SLCO3A1: variants seen among roughly 807,000 people sequenced by gnomAD.
SLCO3A1 encodes the protein PGE1 transporter.
A neutral mutation model predicts 63.1 loss-of-function variants in SLCO3A1; 27 were observed. That is an observed-to-expected ratio of 0.43 (90% CI 0.32 to 0.59). The LOEUF is 0.59. Ranked by LOEUF, SLCO3A1 falls within the 20% of genes least tolerant of loss-of-function variation. The pLI, the probability that SLCO3A1 is intolerant of heterozygous loss-of-function variation, is 0.09. For missense variants in SLCO3A1, 773 were observed against 945.8 expected (o/e 0.82, Z 2.40); for synonymous variants, 473 against 409.9 (o/e 1.15, Z -1.86).
chr15:92,025,426 G>A (rs564368557), intron 2 of SLCO3A1, among the ~76,000 whole-genome samples: 4 of 152,308 alleles, frequency 2.6e-5, no homozygotes, highest in South Asian at 2.1e-4. Flanking sequence ...CAGCAACAGC[G>A]ATGACACTAA....
chr15:92,032,699 C>T (rs1364774344), intron 2 of SLCO3A1, among the ~76,000 whole-genome samples: 4 of 152,018 alleles, frequency 2.6e-5, no homozygotes, highest in African/African-American at 9.7e-5. Flanking sequence ...TGCAGAGGCC[C>T]CCATCGAAGG....
intron 1 of SLCO3A1, among the ~76,000 whole-genome samples, chr15:91,887,035 T>G (rs1897741333): frequency 6.6e-6 from 1 of 152,156 alleles, no homozygotes; most frequent in African/African-American, 2.4e-5. Context: ...GGGAAATCCT[T>G]AGTGGCTTTT....
exon 11 of SLCO3A1, chr15:92,171,783 C>G: frequency 6.4e-7 from 1 of 1,550,396 alleles, no homozygotes; most frequent in Non-Finnish European, 8.7e-7. Flanking sequence ...CCTTTAGGCA[C>G]AGAGTACCAA....
intron 1 of SLCO3A1, among the ~76,000 whole-genome samples, chr15:91,855,763 T>C (rs1325013039): frequency 2.0e-5 from 3 of 152,160 alleles, no homozygotes; most frequent in Non-Finnish European, 4.4e-5. Context: ...TGTGGGTCTG[T>C]ACTGTGACAT....
chr15:92,073,046 T>A (rs1291434933), intron 2 of SLCO3A1, among the ~76,000 whole-genome samples: 1 of 152,082 alleles, frequency 6.6e-6, no homozygotes, highest in Non-Finnish European at 1.5e-5. Flanking sequence ...TCCCACCCCT[T>A]TCCCCCATCC....
At chr15:91,880,085 CTGCTTGTATGTG>C (rs1897516366) in intron 1 of SLCO3A1, among the ~76,000 whole-genome samples, 2 of 148,618 alleles carry the variant, frequency 1.3e-5, no homozygotes, top group Non-Finnish European at 3.0e-5. Context: ...GCTCCTCAAC[CTGCTTGTATGTG>C]TGTCCGTCCG....
intron 2 of SLCO3A1, among the ~76,000 whole-genome samples, chr15:92,083,409 G>A (rs560565050): frequency 2.6e-5 from 4 of 152,214 alleles, no homozygotes; most frequent in Non-Finnish European, 4.4e-5. Flanking sequence ...CCCTTCCCAC[G>A]TTCAGGAAGG....
chr15:91,944,174 A>G (rs200285545), intron 2 of SLCO3A1, among the ~76,000 whole-genome samples: 2 of 152,062 alleles, frequency 1.3e-5, no homozygotes, highest in Non-Finnish European at 2.9e-5. Context: ...AGGACTGAAA[A>G]CAGCCACTGG....
intron 2 of SLCO3A1, among the ~76,000 whole-genome samples, chr15:92,075,520 C>T (rs2047266258): frequency 6.6e-6 from 1 of 152,216 alleles, no homozygotes; most frequent in African/African-American, 2.4e-5. Flanking sequence ...TGCTGAAGCT[C>T]CATTCCGCTG....
At chr15:91,953,076 A>G (rs1354401982) in intron 2 of SLCO3A1, among the ~76,000 whole-genome samples, 1 of 152,204 alleles carries the variant, frequency 6.6e-6, no homozygotes, top group East Asian at 1.9e-4. Flanking sequence ...AACCTGCTCA[A>G]AGAAGGATTT....
chr15:91,905,307 G>A (rs1393418529), intron 1 of SLCO3A1, among the ~76,000 whole-genome samples: 3 of 152,158 alleles, frequency 2.0e-5, no homozygotes, highest in Non-Finnish European at 2.9e-5. Flanking sequence ...GCTATCCCTT[G>A]GGATCTGTGG....
intron 7 of SLCO3A1, among the ~76,000 whole-genome samples, chr15:92,141,779 C>T (rs1374032313): frequency 4.6e-5 from 7 of 152,216 alleles, no homozygotes; most frequent in Non-Finnish European, 7.3e-5. Flanking sequence ...AACAGCCTCA[C>T]GACCTTATGC....
intron 4 of SLCO3A1, among the ~76,000 whole-genome samples, chr15:92,111,387 CT>C (rs1223149367): frequency 1.3e-5 from 2 of 152,078 alleles, no homozygotes; most frequent in African/African-American, 4.8e-5. Flanking sequence ...CAGCTGAGCA[CT>C]TTTTTTTAAT....
chr15:92,070,350 TA>T (rs1338957804), intron 2 of SLCO3A1, among the ~76,000 whole-genome samples: 2 of 152,206 alleles, frequency 1.3e-5, no homozygotes, highest in Non-Finnish European at 2.9e-5. Flanking sequence ...TGTCTTGAAA[TA>T]ATTACGGAGG....
intron 2 of SLCO3A1, among the ~76,000 whole-genome samples, chr15:92,060,114 TTAC>T (rs918379076): frequency 2.0e-5 from 3 of 152,188 alleles, no homozygotes; most frequent in African/African-American, 7.2e-5. Flanking sequence ...TAGAGGGCAC[TTAC>T]CATGAATGGA....
intron 2 of SLCO3A1, among the ~76,000 whole-genome samples, chr15:91,926,586 T>TGC (rs1899024650): frequency 1.9e-5 from 2 of 104,574 alleles, no homozygotes; most frequent in Non-Finnish European, 4.1e-5. Context: ...TGTGTGTGTG[T>TGC]GTGTGTGTGT....
intron 2 of SLCO3A1, among the ~76,000 whole-genome samples, chr15:91,961,753 T>C (rs917006706): frequency 3.3e-5 from 5 of 152,228 alleles, no homozygotes; most frequent in Admixed American, 1.3e-4. Flanking sequence ...TCTTCACATA[T>C]TGCCATCTAG....
chr15:92,027,616 T>TA (rs1358700579), intron 2 of SLCO3A1, among the ~76,000 whole-genome samples: 1 of 152,200 alleles, frequency 6.6e-6, no homozygotes, highest in African/African-American at 2.4e-5. Context: ...ACGCATGCAT[T>TA]AAAGGATTGA....
In SLCO3A1 at chr15:91,860,458, C is replaced by T. The variant is rs1408997191; in HGVS notation, c.180+6370C>T. 6.6e-5 allele frequency among the ~76,000 whole-genome samples: 10 copies of T among 152,268 alleles called. No individual in the cohort carries two copies. In the East Asian group the frequency reaches 1.2e-3, roughly 18 times the overall value. On this transcript the variant is annotated intron_variant, in intron 1 of 9. Transcript: ENST00000318445. The surrounding 1 kb of genome is among the most constrained non-coding windows in gnomAD (Gnocchi z 5.5). ...GTACTTCTCATAGGGTACAGTATTC[C>T]ACAGTTGCTTTAACAGTAATGGTAT... is the stretch of plus-strand genomic sequence containing the variant.
Sources: allele counts gnomAD v4.1 joint callset (sites outside exome capture counted in the v4.1 genomes callset), GRCh38; gene constraint gnomAD v4.1.1; non-coding constraint Gnocchi (gnomAD v3.1); transcripts MANE v1.5; gene names NCBI Gene and HGNC (gene_info 2026-07-23, HGNC 2026-07-21).